The following CDKN2B-AS1 variants were observed in gnomAD, a reference collection of about 807,000 sequenced individuals.
CDKN2B-AS1 encodes CDKN2B and CDKN2A antisense cis and trans regulatory RNA 1.
At chr9:22,082,111 C>G (rs1315242975) in intron 4 of CDKN2B-AS1, among the ~76,000 whole-genome samples, 1 of 152,184 alleles carries the variant, frequency 6.6e-6, no homozygotes, top group East Asian at 1.9e-4. Flanking sequence ...CTTGTTTTCC[C>G]TAACATTTTA....
At chr9:22,078,577 A>G (rs988587884) in intron 4 of CDKN2B-AS1, among the ~76,000 whole-genome samples, 6 of 152,224 alleles carry the variant, frequency 3.9e-5, no homozygotes, top group African/African-American at 7.2e-5. Flanking sequence ...GCTTTAGCAA[A>G]CAAACAACAG....
At chr9:22,102,069 C>G (rs965826732) in intron 4 of CDKN2B-AS1, among the ~76,000 whole-genome samples, 1 of 152,020 alleles carries the variant, frequency 6.6e-6, no homozygotes, top group African/African-American at 2.4e-5. Flanking sequence ...GTTTTTAAAC[C>G]AACACTTAAA....
chr9:22,083,780 A>G (rs1277456116), intron 4 of CDKN2B-AS1, among the ~76,000 whole-genome samples: 1 of 152,092 alleles, frequency 6.6e-6, no homozygotes, highest in African/African-American at 2.4e-5. Context: ...TCAGTTTTGG[A>G]TGTGTTGAGA....
chr9:22,022,758 TG>T (rs1822066611), intron 1 of CDKN2B-AS1, among the ~76,000 whole-genome samples: 1 of 152,238 alleles, frequency 6.6e-6, no homozygotes, highest in Admixed American at 6.5e-5. Context: ...TTATAGTGAC[TG>T]GTAATGGTCT....
At chr9:22,117,394 A>T (rs977257089) in intron 4 of CDKN2B-AS1, among the ~76,000 whole-genome samples, 38 of 152,264 alleles carry the variant, frequency 2.5e-4, no homozygotes, top group African/African-American at 8.2e-4. Flanking sequence ...CAGGGCACTT[A>T]AATGAAGGGT....
At chr9:22,063,132 A>G (rs1013689195) in intron 4 of CDKN2B-AS1, among the ~76,000 whole-genome samples, 1 of 152,148 alleles carries the variant, frequency 6.6e-6, no homozygotes, top group African/African-American at 2.4e-5. Flanking sequence ...ACGATAATAG[A>G]GATTCCAAAG....
intron 1 of CDKN2B-AS1, among the ~76,000 whole-genome samples, chr9:21,998,489 A>C (rs1820783113): frequency 6.6e-6 from 1 of 152,232 alleles, no homozygotes; most frequent in Non-Finnish European, 1.5e-5. Flanking sequence ...TTGGGTTACA[A>C]GCCTTGTGCC....
At chr9:22,015,877 G>A (rs1346179982) in intron 1 of CDKN2B-AS1, among the ~76,000 whole-genome samples, 2 of 152,038 alleles carry the variant, frequency 1.3e-5, no homozygotes, top group African/African-American at 4.8e-5. Flanking sequence ...GTGTCTTTTG[G>A]CTGCATAAAT....
intron 4 of CDKN2B-AS1, chr9:22,112,028 C>T (rs957317169): frequency 6.6e-6 from 1 of 152,128 alleles, no homozygotes; most frequent in Non-Finnish European, 1.5e-5. Flanking sequence ...AGGTTTTTCC[C>T]ACCACAGTAA....
chr9:22,050,670 T>A (rs1823308971), intron 3 of CDKN2B-AS1, among the ~76,000 whole-genome samples: 1 of 152,162 alleles, frequency 6.6e-6, no homozygotes, highest in South Asian at 2.1e-4. Context: ...CGGTGAAAAG[T>A]CTGTACTAAG....
chr9:22,092,644 G>T (rs1162683791), intron 4 of CDKN2B-AS1, among the ~76,000 whole-genome samples: 1 of 152,128 alleles, frequency 6.6e-6, no homozygotes, highest in Admixed American at 6.5e-5. Flanking sequence ...ATGGTAGTTT[G>T]TATTTCTGTG....
At position 22,127,266 on chromosome 9, in the gene CDKN2B-AS1, G is replaced by A. The variant is rs549692077; in HGVS notation, n.602G>A. 3.3e-5 allele frequency among the ~76,000 whole-genome samples: 5 copies of A among 152,198 alleles called. No homozygotes were observed. The East Asian group carries it at 9.7e-4, about 30-fold the overall frequency. On this transcript the variant is annotated non_coding_transcript_exon_variant, in exon 5 of 5. Transcript: ENST00000650946. Reference sequence around the variant, plus strand: ...CCAGCTAATTTTTGTAGTTTTGGTAGAGATGGTGTTTCACCATTTTGGCCA... The same window carrying A: ...CCAGCTAATTTTTGTAGTTTTGGTAAAGATGGTGTTTCACCATTTTGGCCA...
Position 21,995,916 on chromosome 9 carries a change from G to GA in CDKN2B-AS1, n.29+756dup, listed in dbSNP as rs1820652229. 6.6e-6 allele frequency: 1 copy of GA among 152,580 alleles called. No individual in the cohort carries two copies. The highest frequency in any genetic ancestry group is 2.4e-5 in the African/African-American group (1 of 41,484). The allele number at this position is 152,580 out of a possible 1,614,324, so 9.5% of individuals were successfully genotyped here. A position where few individuals can be genotyped will look rare whatever the true frequency, so the allele number is the denominator to read the frequency against. ...ACCTCGCGGGCTGGACCCGCGGCCTGAGTGGGTGGGTGTGTGCCAGAGGAT... is the reference window on the plus strand; with the variant it reads ...ACCTCGCGGGCTGGACCCGCGGCCTGAAGTGGGTGGGTGTGTGCCAGAGGAT... On this transcript the variant is annotated intron_variant and non_coding_transcript_variant, in intron 1 of 4. Coordinates refer to ENST00000650946, the Ensembl canonical transcript of CDKN2B-AS1. The surrounding 1 kb of genome is among the most constrained non-coding windows in gnomAD (Gnocchi z 5.7).
intron 4 of CDKN2B-AS1, among the ~76,000 whole-genome samples, chr9:22,097,987 A>G (rs1260546158): frequency 6.6e-6 from 1 of 152,144 alleles, no homozygotes; most frequent in Non-Finnish European, 1.5e-5. Flanking sequence ...CAGAGTTGTG[A>G]TGTGAAGCAA....
At chr9:22,036,827 T>C (rs1563937854) in intron 1 of CDKN2B-AS1, among the ~76,000 whole-genome samples, 2 of 152,194 alleles carry the variant, frequency 1.3e-5, no homozygotes, top group East Asian at 1.9e-4. Flanking sequence ...ATTACTTAGC[T>C]GCATTAGAGG....
At chr9:22,064,388 G>A (rs913544687) in intron 4 of CDKN2B-AS1, among the ~76,000 whole-genome samples, 1 of 152,122 alleles carries the variant, frequency 6.6e-6, no homozygotes, top group Non-Finnish European at 1.5e-5. Flanking sequence ...GGGAGAAAAT[G>A]TTGGGCTTAT....
chr9:22,026,248 G>T (rs1289492191), intron 1 of CDKN2B-AS1, among the ~76,000 whole-genome samples: 1 of 152,244 alleles, frequency 6.6e-6, no homozygotes, highest in South Asian at 2.1e-4. Context: ...CCCTCTGGGA[G>T]CTCTGTCCCA....
In CDKN2B-AS1 at chr9:22,051,352, T is replaced by C. The variant is rs1823336895; in HGVS notation, n.302+2124T>C. ...CTCTTCACAGTAATTAAACAAGAGC[T>C]AGCCTCCTTTTCCAAATCTTGTTTT... On this transcript the variant is annotated intron_variant and non_coding_transcript_variant, in intron 3 of 4. Coordinates refer to ENST00000650946, the Ensembl canonical transcript of CDKN2B-AS1. 1.3e-5 allele frequency among the ~76,000 whole-genome samples: 2 copies of C among 152,210 alleles called. 1 individual carries two copies. The highest frequency in any genetic ancestry group is 1.3e-4 in the Admixed American group (2 of 15,262).
rs936163638 is a variant in CDKN2B-AS1 at position 22,006,805 on chromosome 9, TTTTG to T, written n.29+11650_29+11653del. ...TCATAGCAAATCCCGTGCGGAAGGC[TTTTG>T]TTTGTCATGTGTCTGAGCTCATAAC... On this transcript the variant is annotated intron_variant and non_coding_transcript_variant, in intron 1 of 4. Transcript: ENST00000650946. The surrounding 1 kb of genome is among the most constrained non-coding windows in gnomAD (Gnocchi z 6.4). Among the ~76,000 whole-genome samples, 1 of 152,080 alleles carries T rather than the reference TTTTG, an allele frequency of 6.6e-6. No homozygotes were observed. The highest frequency in any genetic ancestry group is 2.4e-5 in the African/African-American group (1 of 41,416).
Sources: gnomAD v4.1 joint callset for allele counts (sites outside exome capture counted in the v4.1 genomes callset) on GRCh38, gnomAD v4.1.1 for gene constraint, Gnocchi (gnomAD v3.1) non-coding constraint, MANE v1.5 for transcripts, NCBI Gene and HGNC (gene_info 2026-07-23, HGNC 2026-07-21) for gene names.